NRG1: variants seen among roughly 807,000 people sequenced by gnomAD.
NRG1 encodes the protein pro-neuregulin-1, membrane-bound isoform.
In NRG1, 18 loss-of-function variants were observed where a neutral mutation model predicts 63.8. The observed-to-expected ratio is 0.28, with a 90% confidence interval of 0.19 to 0.42. The LOEUF is 0.42. Ranked by LOEUF, NRG1 falls within the 10% of genes least tolerant of loss-of-function variation. NRG1 has a pLI of 1.00. For synonymous variants in NRG1, 302 were observed against 301.3 expected, an observed-to-expected ratio of 1.00 and a Z score of -0.02; for missense variants, 762 against 814.7, an observed-to-expected ratio of 0.94 and a Z score of 0.79.
At chr8:32,067,234 G>T (rs1336571629) in intron 1 of NRG1, among the ~76,000 whole-genome samples, 3 of 152,120 alleles carry the variant, frequency 2.0e-5, no homozygotes, top group African/African-American at 4.8e-5. Context: ...TGTTGAATAG[G>T]AGTGGTGAGA....
intron 5 of NRG1, chr8:32,721,827 G>A (rs776749207): frequency 7.3e-7 from 1 of 1,366,412 alleles, no homozygotes; most frequent in Non-Finnish European, 9.4e-7. Flanking sequence ...ACATTAGGTG[G>A]CACAGCTCTT....
At chr8:32,036,612 G>C (rs752944450) in intron 1 of NRG1, among the ~76,000 whole-genome samples, 6 of 152,176 alleles carry the variant, frequency 3.9e-5, no homozygotes, top group Non-Finnish European at 7.3e-5. Context: ...ATAGTTCACA[G>C]AGGTTTTGTT....
chr8:32,729,961 G>T (rs1230493122), intron 6 of NRG1, among the ~76,000 whole-genome samples: 5 of 151,954 alleles, frequency 3.3e-5, no homozygotes, highest in Non-Finnish European at 5.9e-5. Context: ...AAGTGTTGGT[G>T]GTTGTATAGC....
chr8:32,211,588 C>G (rs1844704853), intron 1 of NRG1, among the ~76,000 whole-genome samples: 1 of 152,168 alleles, frequency 6.6e-6, no homozygotes, highest in South Asian at 2.1e-4. Context: ...TGAAAATTGT[C>G]CAGTCTAATG....
intron 1 of NRG1, among the ~76,000 whole-genome samples, chr8:31,830,363 C>T (rs10110801): frequency 0.13 from 6,162 of 46,078 alleles, 178 homozygotes; most frequent in East Asian, 0.34. Context: ...CCTTCCTTCC[C>T]TCCTTCCCTC....
intron 5 of NRG1, among the ~76,000 whole-genome samples, chr8:32,653,308 T>G (rs2129547882): frequency 6.6e-6 from 1 of 152,338 alleles, no homozygotes; most frequent in Non-Finnish European, 1.5e-5. Flanking sequence ...CAATTTGAGA[T>G]ATTTCTTGCT....
chr8:31,691,140 G>A (rs1300062407), intron 1 of NRG1, among the ~76,000 whole-genome samples: 2 of 152,132 alleles, frequency 1.3e-5, no homozygotes, highest in Admixed American at 1.3e-4. Flanking sequence ...TTTGACAGCA[G>A]TAGGTAGTAG....
intron 1 of NRG1, among the ~76,000 whole-genome samples, chr8:32,019,778 C>T (rs546609241): frequency 6.6e-6 from 1 of 152,234 alleles, no homozygotes; most frequent in Non-Finnish European, 1.5e-5. Context: ...TGCTATAGTA[C>T]CATTTATTGA....
At chr8:32,586,357 A>C (rs76571516) in intron 1 of NRG1, among the ~76,000 whole-genome samples, 3,262 of 152,180 alleles carry the variant, frequency 0.021, 49 homozygotes, top group Middle Eastern at 0.058. Flanking sequence ...ACTGTATAGA[A>C]AAGAGAGATT....
chr8:32,505,077 G>A (rs4733344), intron 1 of NRG1, among the ~76,000 whole-genome samples: 17,805 of 152,010 alleles, frequency 0.12, 1,308 homozygotes, highest in Admixed American at 0.24. Context: ...GGGAGTTTTC[G>A]GGCATTTTTG....
chr8:32,695,067 C>T (rs1295901877), intron 5 of NRG1, among the ~76,000 whole-genome samples: 1 of 152,088 alleles, frequency 6.6e-6, no homozygotes, highest in African/African-American at 2.4e-5. Flanking sequence ...TCGAAAATTA[C>T]TAAACAGGCT....
At chr8:31,702,789 C>G (rs562333756) in intron 1 of NRG1, among the ~76,000 whole-genome samples, 8 of 152,148 alleles carry the variant, frequency 5.3e-5, no homozygotes, top group South Asian at 2.1e-4. Flanking sequence ...TATTGTCACA[C>G]CCCATGATTC....
intron 1 of NRG1, among the ~76,000 whole-genome samples, chr8:31,792,654 A>T (rs1440944651): frequency 6.6e-6 from 1 of 152,216 alleles, no homozygotes; most frequent in Non-Finnish European, 1.5e-5. Context: ...GTTTTCTTTA[A>T]GTCTGTACTG....
chr8:32,538,242 G>A (rs1832223704), intron 1 of NRG1, among the ~76,000 whole-genome samples: 2 of 152,156 alleles, frequency 1.3e-5, no homozygotes, highest in East Asian at 1.9e-4. Context: ...CCCTCTGAGA[G>A]GGAGCCTATC....
chr8:31,834,545 A>G (rs1475377320), intron 1 of NRG1, among the ~76,000 whole-genome samples: 2 of 152,038 alleles, frequency 1.3e-5, no homozygotes, highest in Admixed American at 1.3e-4. Flanking sequence ...TGTCTCTACT[A>G]AAATAATTTT....
chr8:31,752,465 G>T (rs2131465486), intron 1 of NRG1, among the ~76,000 whole-genome samples: 2 of 152,170 alleles, frequency 1.3e-5, no homozygotes, highest in East Asian at 3.9e-4. Context: ...GGCTTGGGGG[G>T]AGACCAATTA....
At chr8:32,070,602 C>T (rs545203758) in intron 1 of NRG1, among the ~76,000 whole-genome samples, 8 of 152,178 alleles carry the variant, frequency 5.3e-5, no homozygotes, top group Admixed American at 1.3e-4. Context: ...ATCAAAAAGT[C>T]CTGCTACTGT....
At chr8:32,628,451 G>T (rs1171147885) in intron 5 of NRG1, among the ~76,000 whole-genome samples, 2 of 152,046 alleles carry the variant, frequency 1.3e-5, no homozygotes, top group South Asian at 2.1e-4. Context: ...CTATACAAAG[G>T]GTCCCTGGGT....
chr8:32,768,330 C>T (rs975751317), downstream of NRG1, among the ~76,000 whole-genome samples: 1 of 152,182 alleles, frequency 6.6e-6, no homozygotes, highest in Non-Finnish European at 1.5e-5. Context: ...AAAATGTCAA[C>T]GTGCCATTCA....
Sources: allele counts gnomAD v4.1 joint callset (sites outside exome capture counted in the v4.1 genomes callset), GRCh38; gene constraint gnomAD v4.1.1; transcripts MANE v1.5; gene names NCBI Gene and HGNC (gene_info 2026-07-23, HGNC 2026-07-21).